NELL1: variants seen among roughly 807,000 people sequenced by gnomAD.
NELL1 encodes protein kinase C-binding protein NELL1.
NELL1 carries 76 observed loss-of-function variants against 107.4 expected under a neutral mutation model. The ratio of observed to expected loss-of-function variants is 0.71; its 90% CI spans 0.59 to 0.86. NELL1 has a LOEUF of 0.86. Ranked by LOEUF, NELL1 falls within the 40% of genes least tolerant of loss-of-function variation. NELL1 has a pLI of 0.00. For synonymous variants in NELL1, 353 were observed against 341.2 expected (o/e 1.03, Z -0.38); for missense variants, 1,024 against 1,005.5 (o/e 1.02, Z -0.25).
intron 2 of NELL1, among the ~76,000 whole-genome samples, chr11:20,710,818 T>G (rs1855093813): frequency 6.6e-6 from 1 of 152,060 alleles, no homozygotes; most frequent in Non-Finnish European, 1.5e-5. Flanking sequence ...TGAGCAAAGG[T>G]GTTCACAGTA....
chr11:21,266,176 G>A (rs111690078), intron 14 of NELL1, among the ~76,000 whole-genome samples: 10 of 145,572 alleles, frequency 6.9e-5, no homozygotes, highest in South Asian at 2.1e-4. Context: ...CTGGCAGTTC[G>A]CATTCCATTT....
intron 12 of NELL1, among the ~76,000 whole-genome samples, chr11:20,987,466 G>T (rs143448714): frequency 6.6e-6 from 1 of 152,162 alleles, no homozygotes; most frequent in African/African-American, 2.4e-5. Context: ...GAGGCCTCAG[G>T]AAACTTACAA....
In NELL1 at chr11:21,215,469, A is replaced by G. The variant is rs1239543653; in HGVS notation, c.1427-13863A>G. ...CCCAAAAATGTGGAAGTGACTTTGG[A>G]ACTGGGTAACAGGCAGAGATTGGAA... On this transcript the variant is annotated intron_variant, in intron 13 of 19. Coordinates refer to ENST00000357134, the MANE Select transcript of NELL1 (RefSeq NM_006157.5). Among the ~76,000 whole-genome samples, 5 of 152,220 alleles carry G rather than the reference A, an allele frequency of 3.3e-5. No homozygotes were observed. In the South Asian group the frequency reaches 8.3e-4, roughly 25 times the overall value.
chr11:20,833,509 A>C (rs1315529182), intron 3 of NELL1, among the ~76,000 whole-genome samples: 1 of 152,214 alleles, frequency 6.6e-6, no homozygotes, highest in African/African-American at 2.4e-5. Context: ...AAGTCACTAC[A>C]AGTATGCTAA....
At chr11:21,153,761 C>T (rs1225407233) in intron 13 of NELL1, among the ~76,000 whole-genome samples, 2 of 152,092 alleles carry the variant, frequency 1.3e-5, no homozygotes, top group Admixed American at 6.6e-5. Context: ...AATTGAAGCT[C>T]AGAGGTTAAT....
chr11:21,560,552 G>A (rs185946392), intron 17 of NELL1, among the ~76,000 whole-genome samples, 170 bp downstream of exon 17: 4 of 152,158 alleles, frequency 2.6e-5, no homozygotes, highest in Admixed American at 2.0e-4. Context: ...AGGGAAGCCT[G>A]CTTTGAATTG....
At chr11:20,751,439 A>T (rs1220568629) in intron 2 of NELL1, among the ~76,000 whole-genome samples, 1 of 151,838 alleles carries the variant, frequency 6.6e-6, no homozygotes, top group Non-Finnish European at 1.5e-5. Context: ...ATTGTTTTGT[A>T]GTTTTTAGTG....
intron 8 of NELL1, among the ~76,000 whole-genome samples, chr11:20,927,753 A>G (rs962630367): frequency 2.6e-5 from 4 of 152,326 alleles, no homozygotes; most frequent in South Asian, 2.1e-4. Context: ...CAAACAACCT[A>G]ATGGTTATCC....
At chr11:21,170,764 C>T (rs1378077744) in intron 13 of NELL1, among the ~76,000 whole-genome samples, 2 of 150,264 alleles carry the variant, frequency 1.3e-5, no homozygotes, top group Non-Finnish European at 2.9e-5. Context: ...TTTTATAAAA[C>T]AAGTGAAAAA....
chr11:21,329,281 GC>G (rs199546591), intron 14 of NELL1, among the ~76,000 whole-genome samples: 2 of 149,498 alleles, frequency 1.3e-5, no homozygotes, highest in African/African-American at 5.0e-5. Flanking sequence ...TTTATAAGGG[GC>G]TTTTCCCCCT....
chr11:21,549,688 C>A (rs943774813), intron 16 of NELL1, among the ~76,000 whole-genome samples: 6 of 151,738 alleles, frequency 4.0e-5, no homozygotes, highest in Admixed American at 4.0e-4. Flanking sequence ...GGATGAACTG[C>A]CAGAATCTTT....
At chr11:21,433,668 GT>G (rs1853028036) in intron 15 of NELL1, among the ~76,000 whole-genome samples, 1 of 151,966 alleles carries the variant, frequency 6.6e-6, no homozygotes, top group African/African-American at 2.4e-5. Context: ...GATGGAATTT[GT>G]TTTTATTTTT....
Position 21,223,172 on chromosome 11 carries a change from T to TTCTC in NELL1, c.1427-6146_1427-6143dup, listed in dbSNP as rs150520314. On this transcript the variant is annotated intron_variant, in intron 13 of 19. Coordinates refer to ENST00000357134, the MANE Select transcript of NELL1 (RefSeq NM_006157.5). ...CCTATCATTATTGTATTGGAATCTCTTCTCTCTCTCTCTCTCTTTCTCTTT... is the reference window on the plus strand; with the variant it reads ...CCTATCATTATTGTATTGGAATCTCTTCTCTCTCTCTCTCTCTCTCTTTCTCTTT... Among the ~76,000 whole-genome samples, 15 of 150,842 alleles carry TTCTC rather than the reference T, an allele frequency of 9.9e-5. No homozygotes were observed. The South Asian group carries it at 1.9e-3, about 19-fold the overall frequency.
intron 9 of NELL1, among the ~76,000 whole-genome samples, chr11:20,934,918 G>A (rs576720453): frequency 4.8e-4 from 73 of 152,292 alleles, no homozygotes; most frequent in South Asian, 1.2e-3. Context: ...CTGAAGGGAG[G>A]AAAGGACCTA....
At chr11:21,009,706 A>G (rs1430137523) in intron 12 of NELL1, among the ~76,000 whole-genome samples, 1 of 152,124 alleles carries the variant, frequency 6.6e-6, no homozygotes, top group Non-Finnish European at 1.5e-5. Flanking sequence ...GATATCTCAG[A>G]ATGTCAATTC....
At chr11:21,065,852 A>C (rs574444785) in intron 12 of NELL1, among the ~76,000 whole-genome samples, 19 of 152,350 alleles carry the variant, frequency 1.2e-4, no homozygotes, top group Non-Finnish European at 2.6e-4. Context: ...GAAAAATCAA[A>C]CTAGAATTTT....
chr11:21,375,652 AT>A (rs1298117387), intron 15 of NELL1, among the ~76,000 whole-genome samples: 1 of 152,148 alleles, frequency 6.6e-6, no homozygotes, highest in Non-Finnish European at 1.5e-5. Context: ...AGCTAAACTA[AT>A]TTACATTCCC....
At chr11:20,839,790 TTCC>T (rs1848590774) in intron 3 of NELL1, among the ~76,000 whole-genome samples, 1 of 152,180 alleles carries the variant, frequency 6.6e-6, no homozygotes, top group Non-Finnish European at 1.5e-5. Flanking sequence ...TATATTCTGT[TTCC>T]ATATTGCTCT....
intron 14 of NELL1, among the ~76,000 whole-genome samples, chr11:21,315,255 AC>A (rs1849851441): frequency 6.6e-6 from 1 of 152,290 alleles, no homozygotes; most frequent in East Asian, 1.9e-4. Context: ...GATAAGAGAA[AC>A]CTTTTATAGT....
Sources: gnomAD v4.1 joint callset for allele counts (sites outside exome capture counted in the v4.1 genomes callset) on GRCh38, gnomAD v4.1.1 for gene constraint, MANE v1.5 for transcripts, NCBI Gene and HGNC (gene_info 2026-07-23, HGNC 2026-07-21) for gene names.